Variants in CRACD observed in about 807,000 individuals in gnomAD.
The protein encoded by CRACD is capping protein-inhibiting regulator of actin dynamics.
Under a neutral mutation model 106.8 loss-of-function variants are expected in CRACD, and 56 were observed. The observed-to-expected ratio is 0.52, with a 90% confidence interval of 0.42 to 0.66. The LOEUF (loss-of-function observed/expected upper bound fraction) is 0.66, where lower values mean the gene tolerates loss of function less well. Ranked by LOEUF, CRACD falls within the 30% of genes least tolerant of loss-of-function variation. The pLI is 0.00. For synonymous variants in CRACD, 754 were observed against 670.8 expected (o/e 1.12, Z -1.92); for missense variants, 1,730 against 1,623.2 (o/e 1.07, Z -1.13).
At chr4:56,312,556 G>C (rs73159951) in intron 6 of CRACD, among the ~76,000 whole-genome samples, 6,996 of 152,170 alleles carry the variant, frequency 0.046, 274 homozygotes, top group East Asian at 0.19. Flanking sequence ...TATTTATTGA[G>C]CACTGACCAA....
At chr4:56,077,168 C>G (rs139960110) in intron 1 of CRACD, among the ~76,000 whole-genome samples, 1 of 152,142 alleles carries the variant, frequency 6.6e-6, no homozygotes, top group Non-Finnish European at 1.5e-5. Context: ...CTCACAGTTC[C>G]GCATGGCTGG....
chr4:56,156,921 A>G (rs1274621311), intron 1 of CRACD, among the ~76,000 whole-genome samples: 1 of 152,220 alleles, frequency 6.6e-6, no homozygotes, highest in Non-Finnish European at 1.5e-5. Flanking sequence ...GTTCTGTATA[A>G]GGGCAGAGAT....
chr4:56,070,282 CCTAT>C (rs1732593797), intron 1 of CRACD, among the ~76,000 whole-genome samples: 1 of 151,076 alleles, frequency 6.6e-6, no homozygotes. Context: ...TTCCTCTCTC[CCTAT>C]CTGAGTCCTT....
chr4:56,172,472 C>A (rs952838490), intron 1 of CRACD, among the ~76,000 whole-genome samples: 1 of 152,124 alleles, frequency 6.6e-6, no homozygotes, highest in African/African-American at 2.4e-5. Context: ...CCCAACCTTT[C>A]TTTTTTTGAG....
intron 2 of CRACD, among the ~76,000 whole-genome samples, chr4:56,220,854 A>T (rs988495001): frequency 1.3e-5 from 2 of 152,180 alleles, no homozygotes; most frequent in Non-Finnish European, 2.9e-5. Flanking sequence ...TCTGCTTGTG[A>T]CAAGTGAGGG....
intron 2 of CRACD, among the ~76,000 whole-genome samples, chr4:56,207,873 C>A (rs1034995281): frequency 6.7e-6 from 1 of 149,280 alleles, no homozygotes; most frequent in Admixed American, 6.7e-5. Context: ...GTCACCCAGA[C>A]TGGAGTGACA....
intron 2 of CRACD, among the ~76,000 whole-genome samples, chr4:56,267,190 G>A (rs146537052): frequency 2.6e-5 from 4 of 151,032 alleles, no homozygotes; most frequent in Admixed American, 1.3e-4. Context: ...GTGCGATCTC[G>A]GCTCACTACA....
chr4:56,101,760 CAAA>C (rs60106850), intron 1 of CRACD, among the ~76,000 whole-genome samples: 3,884 of 103,254 alleles, frequency 0.038, 48 homozygotes, highest in Admixed American at 0.082. Context: ...AAGACTGTCT[CAAA>C]AAAAAAAAAA....
intron 8 of CRACD, among the ~76,000 whole-genome samples, chr4:56,320,145 C>CAA (rs11386476): frequency 0.048 from 6,893 of 144,918 alleles, 271 homozygotes; most frequent in East Asian, 0.2. Context: ...ACTCCAGCCT[C>CAA]AAAAAAAAAA....
intron 1 of CRACD, among the ~76,000 whole-genome samples, chr4:56,169,504 T>C (rs1184947697): frequency 6.6e-6 from 1 of 152,064 alleles, no homozygotes; most frequent in Non-Finnish European, 1.5e-5. Context: ...TTAAGTGTAT[T>C]GGTTTTGTTT....
chr4:56,153,029 A>G (rs1735637683), intron 1 of CRACD, among the ~76,000 whole-genome samples: 2 of 152,140 alleles, frequency 1.3e-5, no homozygotes, highest in East Asian at 1.9e-4. Context: ...CTATAATCCC[A>G]GCACTTTGGG....
At chr4:56,124,886 CAG>C (rs1404524396) in intron 1 of CRACD, among the ~76,000 whole-genome samples, 2 of 152,120 alleles carry the variant, frequency 1.3e-5, no homozygotes, top group Non-Finnish European at 2.9e-5. Context: ...CACTGGGAAG[CAG>C]AGAGAGACAA....
chr4:56,092,415 C>T (rs1296916125), intron 1 of CRACD, among the ~76,000 whole-genome samples: 1 of 152,100 alleles, frequency 6.6e-6, no homozygotes, highest in African/African-American at 2.4e-5. Flanking sequence ...GCCTGTTGAG[C>T]ACTAAATGTG....
At chr4:56,191,311 T>G (rs939040151) in intron 2 of CRACD, among the ~76,000 whole-genome samples, 2 of 152,064 alleles carry the variant, frequency 1.3e-5, no homozygotes, top group Non-Finnish European at 2.9e-5. Flanking sequence ...CCACCTGCCT[T>G]CCTTGGCTTG....
Position 56,315,276 on chromosome 4 carries a change from C to T in CRACD, c.1774C>T (p.Pro592Ser), listed in dbSNP as rs907183617. ...QHALPSSLSVPHTAILVTGAQ... is the reference protein window; with the variant it reads ...QHALPSSLSVSHTAILVTGAQ... ...CGCCCTACCGTCGTCCCTGAGCGTTCCCCACACCGCCATTCTGGTCACGGG... is the reference window on the plus strand; with the variant it reads ...CGCCCTACCGTCGTCCCTGAGCGTTTCCCACACCGCCATTCTGGTCACGGG... The change falls in exon 8 of 11, where the codon CCC (proline) becomes TCC (serine). Residue 592 changes from proline (P) to serine (S), a missense_variant. By Grantham distance (74) the Pro-to-Ser change is moderately conservative. Around this residue, in one of 5 missense-constraint regions of CRACD, gnomAD observed 1,620 missense variants for 1,481.6 expected, o/e 1.09. Coordinates refer to ENST00000682029, the MANE Select transcript of CRACD (RefSeq NM_001393381.1). This position sits in a 1 kb window ranked among gnomAD's most constrained non-coding sequence, Gnocchi z 4.1. 1.9e-6 allele frequency: 3 copies of T among 1,612,512 alleles called. No homozygotes were observed. The highest frequency in any genetic ancestry group is 2.5e-6 in the Non-Finnish European group (3 of 1,179,514).
intron 1 of CRACD, among the ~76,000 whole-genome samples, chr4:56,139,352 T>TCC (rs928158078): frequency 2.8e-4 from 42 of 152,302 alleles, no homozygotes; most frequent in Middle Eastern, 3.4e-3. Context: ...TCTCTTTCTT[T>TCC]CCCCTCTCTC....
intron 2 of CRACD, among the ~76,000 whole-genome samples, chr4:56,228,102 C>T (rs1236001788): frequency 3.9e-5 from 6 of 152,124 alleles, no homozygotes; most frequent in East Asian, 1.9e-4. Flanking sequence ...CTGGTACCCC[C>T]GTTACTCCAA....
At chr4:56,260,882 TATCCATCCATCCATCCATCC>T (rs11276099) in intron 2 of CRACD, among the ~76,000 whole-genome samples, 9 of 149,846 alleles carry the variant, frequency 6.0e-5, no homozygotes, top group South Asian at 2.1e-4. Context: ...TCTGTCTGTG[TATCCATCCATCCATCCATCC>T]ATCCATCCAT....
chr4:56,244,428 GT>G (rs1402230790), intron 2 of CRACD, among the ~76,000 whole-genome samples: 1 of 152,138 alleles, frequency 6.6e-6, no homozygotes, highest in East Asian at 1.9e-4. Flanking sequence ...GATGGGTTCA[GT>G]TTTAGACATA....
Sources: gnomAD v4.1 joint callset for allele counts (sites outside exome capture counted in the v4.1 genomes callset) on GRCh38, gnomAD v4.1.1 for gene constraint, gnomAD v4.1.1 regional missense constraint, Gnocchi (gnomAD v3.1) non-coding constraint, MANE v1.5 for transcripts, NCBI Gene and HGNC (gene_info 2026-07-23, HGNC 2026-07-21) for gene names.